PARP4: variants seen among roughly 807,000 people sequenced by gnomAD.
PARP4 encodes protein mono-ADP-ribosyltransferase PARP4.
In PARP4, 120 loss-of-function variants were observed where a neutral mutation model predicts 187.7. The ratio of observed to expected loss-of-function variants is 0.64; its 90% CI spans 0.55 to 0.74. The LOEUF is 0.74. Ranked by LOEUF, PARP4 falls within the 30% of genes least tolerant of loss-of-function variation. The pLI, the probability that PARP4 is intolerant of heterozygous loss-of-function variation, is 0.00. For missense variants in PARP4, 1,836 were observed against 2,070.5 expected, an observed-to-expected ratio of 0.89 and a Z score of 2.20; for synonymous variants, 654 against 740.9, an observed-to-expected ratio of 0.88 and a Z score of 1.90.
rs768025712 is a variant in PARP4 at position 24,490,880 on chromosome 13, A to G, written c.1054-52T>C. ...TCAGAATCACCACATATCAAAATTA[A>G]TATTTATATCACATTAACACTTTCT... On this transcript the variant is annotated intron_variant, in intron 9 of 33. Transcript: ENST00000381989. 5.6e-6 allele frequency: 8 copies of G among 1,423,258 alleles called. No homozygotes were observed. In the South Asian group the frequency reaches 8.4e-5, roughly 15 times the overall value. The allele number at this position is 1,423,258 out of a possible 1,614,324, so 88.2% of individuals were successfully genotyped here. A position where few individuals can be genotyped will look rare whatever the true frequency, so the allele number is the denominator to read the frequency against.
intron 30 of PARP4, among the ~76,000 whole-genome samples, chr13:24,440,181 G>A (rs777214060): frequency 7.2e-5 from 11 of 152,040 alleles, no homozygotes; most frequent in Non-Finnish European, 1.2e-4. Context: ...GCCGAGGCGG[G>A]TGAATCAGGA....
At chr13:24,477,662 T>C (rs1279235079) in intron 14 of PARP4, 39 bp downstream of exon 14, 2 of 1,146,866 alleles carry the variant, frequency 1.7e-6, no homozygotes, top group African/African-American at 1.6e-5. Flanking sequence ...GGTCTATAAA[T>C]ATAATAACAT....
intron 12 of PARP4, among the ~76,000 whole-genome samples, chr13:24,481,215 A>G (rs1873261519): frequency 6.6e-6 from 1 of 152,240 alleles, no homozygotes; most frequent in South Asian, 2.1e-4. Flanking sequence ...CAATGTATAG[A>G]TCTACTGCTC....
At chr13:24,462,637 T>C (rs1455616359) in intron 17 of PARP4, among the ~76,000 whole-genome samples, 1 of 152,172 alleles carries the variant, frequency 6.6e-6, no homozygotes. Flanking sequence ...CTATGATTAA[T>C]ATATGAAAAG....
At chr13:24,481,171 T>C (rs1212312331) in intron 12 of PARP4, among the ~76,000 whole-genome samples, 1 of 152,252 alleles carries the variant, frequency 6.6e-6, no homozygotes, top group Admixed American at 6.5e-5. Context: ...TGACAGCACA[T>C]CTGTTTACAG....
chr13:24,434,513 T>C lies in PARP4; in HGVS notation c.4628A>G (p.Asp1543Gly). Residue 1543 changes from aspartate (D) to glycine (G), a missense_variant, in exon 31 of 34, where the codon GAT becomes GGT. This residue lies in a region of PARP4 where 450 missense variants were observed against 439.2 expected (regional missense o/e 1.02). Transcript: ENST00000381989. ...QDSCFLQIKCDTKDDSILCFL... is the reference protein window; with the variant it reads ...QDSCFLQIKCGTKDDSILCFL... ...GCACAGGATACTGTCATCTTTTGTA[T>C]CACATTTTATTTGTAAAAAGCAGCT... 1.2e-6 allele frequency: 2 copies of C among 1,614,030 alleles called. No individual in the cohort carries two copies. Among genetic ancestry groups the C allele is most frequent in the Non-Finnish European group, 1.7e-6 (2 of 1,179,846 alleles).
intron 9 of PARP4, among the ~76,000 whole-genome samples, 189 bp from the exon 10 acceptor site, chr13:24,491,017 T>A (rs554029656): frequency 2.6e-5 from 4 of 152,202 alleles, no homozygotes; most frequent in Admixed American, 6.5e-5. Flanking sequence ...CCATAGCTCA[T>A]TGCAGCCTCA....
chr13:24,489,062 G>C (rs1382173338), intron 10 of PARP4, among the ~76,000 whole-genome samples: 1 of 151,258 alleles, frequency 6.6e-6, no homozygotes. Context: ...TGAACATTTG[G>C]GTTATTTAAC....
intron 6 of PARP4, among the ~76,000 whole-genome samples, chr13:24,497,905 C>T (rs1234810308): frequency 6.6e-6 from 1 of 152,222 alleles, no homozygotes; most frequent in African/African-American, 2.4e-5. Flanking sequence ...CAGAAGAAAT[C>T]AACCCTGCTG....
chr13:24,425,601 ATATC>A lies in PARP4; in HGVS notation c.4979+861_4979+864del, dbSNP rs757047126. On this transcript the variant is annotated intron_variant, in intron 33 of 33. Transcript: ENST00000381989. Reference sequence around the variant, plus strand: ...TATATCTATATCTATATCTATATCTATATCTATATATCTCAGAGGGATCCTACTC... The same window carrying A: ...TATATCTATATCTATATCTATATCTATATATATCTCAGAGGGATCCTACTC... Among the ~76,000 whole-genome samples, 335 of 148,374 alleles carry A rather than the reference ATATC, an allele frequency of 2.3e-3. 7 individuals are homozygous for A. Among genetic ancestry groups the A allele is most frequent in the East Asian group, 0.017 (87 of 5,058 alleles).
chr13:24,512,275 G>T (rs780114434), intron 1 of PARP4, among the ~76,000 whole-genome samples: 1 of 152,214 alleles, frequency 6.6e-6, no homozygotes, highest in Non-Finnish European at 1.5e-5. Flanking sequence ...AATGACTCAC[G>T]AGGTCAGATA....
chr13:24,425,648 C>A (rs1870014826), intron 33 of PARP4, among the ~76,000 whole-genome samples: 1 of 151,098 alleles, frequency 6.6e-6, no homozygotes, highest in Admixed American at 6.6e-5. Flanking sequence ...GACCCTCTTG[C>A]CATGGGGTGG....
At chr13:24,495,482 G>T (rs1388054873) in intron 6 of PARP4, among the ~76,000 whole-genome samples, 1 of 152,228 alleles carries the variant, frequency 6.6e-6, no homozygotes, top group African/African-American at 2.4e-5. Flanking sequence ...AGGCAGGAAA[G>T]TTATTAGGTC....
intron 30 of PARP4, among the ~76,000 whole-genome samples, chr13:24,440,476 A>G (rs1870869711): frequency 6.6e-6 from 1 of 151,426 alleles, no homozygotes; most frequent in African/African-American, 2.4e-5. Flanking sequence ...GCCACTTTTC[A>G]GCTTTCTGCC....
intron 30 of PARP4, 128 bp from the exon 31 acceptor site, chr13:24,435,602 C>T: frequency 2.1e-6 from 2 of 962,380 alleles, no homozygotes; most frequent in Non-Finnish European, 3.1e-6. Context: ...TCAGGATCAT[C>T]AATGTGAGCT....
intron 32 of PARP4, among the ~76,000 whole-genome samples, chr13:24,428,202 G>A (rs1870157559): frequency 6.6e-6 from 1 of 152,186 alleles, no homozygotes; most frequent in Non-Finnish European, 1.5e-5. Context: ...CATGGATAAG[G>A]CACATCTGTG....
intron 21 of PARP4, among the ~76,000 whole-genome samples, chr13:24,456,030 G>A (rs998157481): frequency 2.0e-5 from 3 of 152,062 alleles, no homozygotes; most frequent in Non-Finnish European, 4.4e-5. Flanking sequence ...TCCAGTATCA[G>A]TATTTTAAAA....
intron 31 of PARP4, 135 bp from the exon 32 acceptor site, chr13:24,431,611 C>T (rs1286500802): frequency 1.6e-6 from 1 of 642,998 alleles, no homozygotes; most frequent in African/African-American, 1.9e-5. Flanking sequence ...CAATTAGAAG[C>T]CCAAACCTCA....
At chr13:24,443,849 A>C in intron 27 of PARP4, 119 bp from the exon 28 acceptor site, 2 of 697,976 alleles carry the variant, frequency 2.9e-6, no homozygotes, top group Non-Finnish European at 5.1e-6. Context: ...ACTCCTCTTA[A>C]ATACACAGTT....
Sources: gnomAD v4.1 joint callset for allele counts (sites outside exome capture counted in the v4.1 genomes callset) on GRCh38, gnomAD v4.1.1 for gene constraint, gnomAD v4.1.1 regional missense constraint, MANE v1.5 for transcripts, NCBI Gene and HGNC (gene_info 2026-07-23, HGNC 2026-07-21) for gene names.